Variants in RLF observed in about 807,000 individuals in gnomAD.
RLF encodes the protein zinc finger protein Rlf.
Under a neutral mutation model 162.9 loss-of-function variants are expected in RLF, and 7 were observed. The observed-to-expected ratio is 0.04, with a 90% CI of 0.02 to 0.08. The LOEUF (loss-of-function observed/expected upper bound fraction) is 0.08. Among genes scored for constraint, RLF ranks in the 10% least tolerant of loss-of-function variants. The pLI is 1.00. For missense variants in RLF, 1,664 were observed against 2,244.7 expected (o/e 0.74, Z 5.23); for synonymous variants, 782 against 791.5 (o/e 0.99, Z 0.20).
intron 1 of RLF, among the ~76,000 whole-genome samples, chr1:40,187,769 C>G (rs1450078435): frequency 6.6e-6 from 1 of 152,078 alleles, no homozygotes; most frequent in Non-Finnish European, 1.5e-5. Flanking sequence ...GTTACCAGAA[C>G]TCATACAGGG....
Position 40,161,765 on chromosome 1 carries a change from C to A in RLF, c.237+129C>A. 1 of 1,327,274 alleles carries A rather than the reference C, an allele frequency of 7.5e-7. No homozygotes were observed. Among genetic ancestry groups the A allele is most frequent in the Non-Finnish European group, 1.0e-6 (1 of 991,908 alleles). The allele number at this position is 1,327,274 out of a possible 1,614,324, so 82.2% of individuals were successfully genotyped here. A position where few individuals can be genotyped will look rare whatever the true frequency, so the allele number is the denominator to read the frequency against. On this transcript the variant is annotated intron_variant, in intron 1 of 7. Transcript: ENST00000372771. The surrounding 1 kb of genome is among the most constrained non-coding windows in gnomAD (Gnocchi z 4.4). ...TCCGTGACTCGCCGCGCCCCCGGGC[C>A]GGGAAGGCCCAGCTCGGAAGCTCGA...
intron 3 of RLF, among the ~76,000 whole-genome samples, chr1:40,192,447 G>A (rs181304417): frequency 2.0e-5 from 3 of 152,238 alleles, no homozygotes; most frequent in South Asian, 2.1e-4. Flanking sequence ...TTTGAGTATC[G>A]TGTTGATGCT....
chr1:40,233,842 TGACTA>T (rs1418391777), intron 7 of RLF, among the ~76,000 whole-genome samples: 2 of 152,208 alleles, frequency 1.3e-5, no homozygotes, highest in Admixed American at 6.5e-5. Flanking sequence ...CTATTACACT[TGACTA>T]GTTTTAAAGA....
chr1:40,211,806 G>C (rs571807515), intron 5 of RLF, among the ~76,000 whole-genome samples: 1 of 152,148 alleles, frequency 6.6e-6, no homozygotes, highest in Admixed American at 6.5e-5. Context: ...ATTTTTAGTA[G>C]AAACGGGGTT....
At chr1:40,232,487 C>T (rs145014845) in intron 7 of RLF, among the ~76,000 whole-genome samples, 2,038 of 152,238 alleles carry the variant, frequency 0.013, 45 homozygotes, top group African/African-American at 0.046. Context: ...AGGCTAAGTT[C>T]TATCAGAGGC....
At chr1:40,211,247 C>T (rs369323304) in intron 5 of RLF, among the ~76,000 whole-genome samples, 2 of 152,232 alleles carry the variant, frequency 1.3e-5, no homozygotes, top group Admixed American at 6.5e-5. Context: ...TCTAACCCTC[C>T]GTGTTCTACA....
chr1:40,175,581 G>A (rs918003875), intron 1 of RLF, among the ~76,000 whole-genome samples: 10 of 151,984 alleles, frequency 6.6e-5, no homozygotes, highest in African/African-American at 1.9e-4. Context: ...CCCGGGAGGC[G>A]GAGGTTGCAG....
rs115889980 is a variant in RLF, at chr1:40,224,665, T to C, written c.947+1955T>C. ...TTTTTTTTTTTTTTTGGTAGTGGGATGCTGGAGTTAGAATATTAGAATAAC... is the reference window on the plus strand; with the variant it reads ...TTTTTTTTTTTTTTTGGTAGTGGGACGCTGGAGTTAGAATATTAGAATAAC... On this transcript the variant is annotated intron_variant, in intron 6 of 7. Transcript: ENST00000372771. Among the ~76,000 whole-genome samples, 862 of 121,346 alleles carry C rather than the reference T, an allele frequency of 7.1e-3. 16 individuals carry two copies. The highest frequency in any genetic ancestry group is 0.028 in the African/African-American group (825 of 29,870). 79.6% of individuals were successfully genotyped at this position (121,346 alleles called of 152,430 possible).
intron 5 of RLF, among the ~76,000 whole-genome samples, chr1:40,208,311 A>G (rs938425498): frequency 2.0e-5 from 3 of 152,226 alleles, no homozygotes; most frequent in African/African-American, 7.2e-5. Flanking sequence ...GATTGAAGCT[A>G]TGACCTAGGG....
intron 5 of RLF, among the ~76,000 whole-genome samples, chr1:40,203,821 T>A (rs1642752129): frequency 6.6e-6 from 1 of 152,130 alleles, no homozygotes; most frequent in African/African-American, 2.4e-5. Flanking sequence ...TCTGAAACTT[T>A]TACTTGTAAT....
chr1:40,164,388 G>A (rs1642138215), intron 1 of RLF, among the ~76,000 whole-genome samples: 2 of 152,138 alleles, frequency 1.3e-5, no homozygotes, highest in African/African-American at 4.8e-5. Context: ...AGAGAAGCTT[G>A]TCTCATTCTG....
intron 1 of RLF, among the ~76,000 whole-genome samples, chr1:40,165,947 G>C (rs990114708): frequency 6.6e-6 from 1 of 152,024 alleles, no homozygotes; most frequent in African/African-American, 2.4e-5. Flanking sequence ...TAAATAACCC[G>C]GGGTCTTCCT....
Position 40,237,388 on chromosome 1 carries a change from T to C in RLF, c.2686T>C (p.Ser896Pro), listed in dbSNP as rs767107775. 2 of 1,613,892 alleles carry C rather than the reference T, an allele frequency of 1.2e-6. No individual in the cohort carries two copies. Among genetic ancestry groups the C allele is most frequent in the Admixed American group, 3.3e-5 (2 of 59,952 alleles). The part of the protein sequence containing the change: ...ENLKENSDSN[S>P]SDQLSHSSSA... ...CCTGAAAGAAAACAGTGACAGTAATTCTAGTGATCAGTTAAGTCATAGCTC... is the reference window on the plus strand; with the variant it reads ...CCTGAAAGAAAACAGTGACAGTAATCCTAGTGATCAGTTAAGTCATAGCTC... The change falls in exon 8 of 8, where the codon TCT (serine) becomes CCT (proline). Residue 896 changes from serine (S) to proline (P), a missense_variant. Ser to Pro is a moderately conservative substitution (Grantham distance 74). Around this residue, in one of 15 missense-constraint regions of RLF, gnomAD observed 295 missense variants for 317.4 expected, o/e 0.93. Transcript: ENST00000372771. The surrounding 1 kb of genome is among the most constrained non-coding windows in gnomAD (Gnocchi z 4.4).
In RLF at chr1:40,239,703, C is replaced by T; in HGVS notation, c.5001C>T (p.Leu1667=). 1 of 1,614,148 alleles carries T rather than the reference C, an allele frequency of 6.2e-7. No homozygotes were observed. ...CAGTATTTGATGCAGATACTCTGCT[C>T]TACAGGGGAACTTTGAAATGTAATC... The part of the protein sequence containing the change: ...SSSVFDADTL[L]YRGTLKCNHS... Residue 1667 remains leucine, a synonymous_variant, in exon 8 of 8, where the codon CTC becomes CTT. Coordinates refer to ENST00000372771, the MANE Select transcript of RLF (RefSeq NM_012421.4).
intron 5 of RLF, among the ~76,000 whole-genome samples, chr1:40,202,900 A>G (rs991023677): frequency 2.0e-5 from 3 of 152,238 alleles, no homozygotes; most frequent in Admixed American, 2.0e-4. Flanking sequence ...TTTTCTTTTT[A>G]AAGTAATGAC....
chr1:40,225,602 C>T (rs1334797035), intron 6 of RLF, among the ~76,000 whole-genome samples: 15 of 136,214 alleles, frequency 1.1e-4, no homozygotes, highest in Admixed American at 5.2e-4. Flanking sequence ...AAAAGCCGGG[C>T]GCGGTGGCTC....
intron 5 of RLF, among the ~76,000 whole-genome samples, chr1:40,205,614 C>T (rs571213454): frequency 6.6e-5 from 10 of 151,660 alleles, no homozygotes; most frequent in South Asian, 4.2e-4. Flanking sequence ...CTCAGCCTCC[C>T]GAGTAGCTGG....
rs1250969065 is a variant in RLF, at chr1:40,161,445, G to C, written c.46G>C (p.Ala16Pro). The C allele has an allele frequency of 6.3e-7, 1 of 1,578,960 alleles. No homozygotes were observed. The highest frequency in any genetic ancestry group is 1.9e-5 in the Admixed American group (1 of 51,968). The change falls in exon 1 of 8, where the codon GCT (alanine) becomes CCT (proline). Residue 16 changes from alanine (A) to proline (P), a missense_variant. Physicochemically the swap from Ala to Pro is conservative, Grantham distance 27 (BLOSUM62 -1). Around this residue, in one of 15 missense-constraint regions of RLF, gnomAD observed 134 missense variants for 124.3 expected, o/e 1.08. Coordinates refer to ENST00000372771, the MANE Select transcript of RLF (RefSeq NM_012421.4). The surrounding 1 kb of genome is among the most constrained non-coding windows in gnomAD (Gnocchi z 4.4). ...GDAAAVAGAG[A>P]EAPAVAGAGD... ...CGCCGCCGCTGTCGCCGGGGCTGGG[G>C]CTGAGGCTCCGGCGGTAGCGGGAGC...
chr1:40,186,369 T>C (rs544617137), intron 1 of RLF, among the ~76,000 whole-genome samples: 1 of 152,184 alleles, frequency 6.6e-6, no homozygotes, highest in Admixed American at 6.5e-5. Flanking sequence ...ATAAGAGATC[T>C]CACTACTTAA....
Sources: allele counts gnomAD v4.1 joint callset (sites outside exome capture counted in the v4.1 genomes callset), GRCh38; gene constraint gnomAD v4.1.1; regional missense constraint gnomAD v4.1.1; non-coding constraint Gnocchi (gnomAD v3.1); transcripts MANE v1.5; gene names NCBI Gene and HGNC (gene_info 2026-07-23, HGNC 2026-07-21).